The following CSMD1 variants were observed in gnomAD, a reference collection of about 807,000 sequenced individuals.
The protein encoded by CSMD1 is CUB and sushi domain-containing protein 1.
In CSMD1, 213 loss-of-function variants were observed where a neutral mutation model predicts 417.5. That is an observed-to-expected ratio of 0.51 (90% CI 0.46 to 0.57). CSMD1 has a LOEUF of 0.57. Among genes scored for constraint, CSMD1 ranks in the 20% least tolerant of loss-of-function variants. The pLI, the probability that CSMD1 is intolerant of heterozygous loss-of-function variation, is 0.00. For synonymous variants in CSMD1, 2,862 were observed against 1,736.8 expected, an observed-to-expected ratio of 1.65 and a Z score of -16.11; for missense variants, 6,923 against 4,529.7, an observed-to-expected ratio of 1.53 and a Z score of -15.17.
chr8:4,121,261 C>G (rs1802472570), intron 3 of CSMD1, among the ~76,000 whole-genome samples: 1 of 152,008 alleles, frequency 6.6e-6, no homozygotes, highest in Non-Finnish European at 1.5e-5. Flanking sequence ...ATTACAGGCA[C>G]CTGACACCAC....
At chr8:4,864,352 A>G (rs917671435) in intron 1 of CSMD1, among the ~76,000 whole-genome samples, 7 of 151,922 alleles carry the variant, frequency 4.6e-5, no homozygotes, top group Admixed American at 2.6e-4. Flanking sequence ...AATGAAAACA[A>G]AAAACAAGTA....
intron 26 of CSMD1, among the ~76,000 whole-genome samples, chr8:3,262,716 T>C (rs1279346781): frequency 6.6e-6 from 1 of 152,120 alleles, no homozygotes; most frequent in Admixed American, 6.6e-5. Context: ...CGAGAGTTCA[T>C]TGTAATGTCT....
intron 2 of CSMD1, among the ~76,000 whole-genome samples, chr8:4,437,785 C>A (rs1000125452): frequency 2.6e-5 from 4 of 152,102 alleles, no homozygotes; most frequent in African/African-American, 9.7e-5. Flanking sequence ...TGAGTTGTCT[C>A]TATGGGAACT....
chr8:2,986,240 T>C (rs1445009778), intron 54 of CSMD1, among the ~76,000 whole-genome samples: 1 of 152,236 alleles, frequency 6.6e-6, no homozygotes, highest in Non-Finnish European at 1.5e-5. Flanking sequence ...ACTCACTGTC[T>C]GCCAGGCACT....
chr8:3,410,041 T>C (rs1449592657), intron 12 of CSMD1, among the ~76,000 whole-genome samples: 3 of 152,266 alleles, frequency 2.0e-5, no homozygotes, highest in South Asian at 4.1e-4. Context: ...TCTATTTGAA[T>C]ATTCTTTCCC....
chr8:3,466,719 C>G (rs1015877302), intron 12 of CSMD1, among the ~76,000 whole-genome samples: 3 of 151,926 alleles, frequency 2.0e-5, no homozygotes, highest in African/African-American at 7.3e-5. Flanking sequence ...GTCAGCCCCC[C>G]TGCCCGGGCT....
At chr8:4,671,114 G>T (rs188056489) in intron 1 of CSMD1, among the ~76,000 whole-genome samples, 20 of 152,268 alleles carry the variant, frequency 1.3e-4, no homozygotes, top group African/African-American at 4.6e-4. Context: ...AAAACTAGCT[G>T]CATTTGCACT....
chr8:3,391,625 C>T (rs570929499), intron 17 of CSMD1, among the ~76,000 whole-genome samples: 107 of 152,264 alleles, frequency 7.0e-4, no homozygotes, highest in African/African-American at 2.3e-3. Context: ...TCTAGGTTTG[C>T]TTTTACAAAA....
chr8:4,804,429 T>C lies in CSMD1; in HGVS notation c.86-166871A>G, dbSNP rs989969881. 6.6e-5 allele frequency among the ~76,000 whole-genome samples: 10 copies of C among 152,178 alleles called. No individual in the cohort carries two copies. The South Asian group carries it at 8.3e-4, about 13-fold the overall frequency. On this transcript the variant is annotated intron_variant, in intron 1 of 69. Transcript: ENST00000635120. ...GCTTTCTATGCAATTACTGAATAAA[T>C]TGCCAGTCATATACAGACTTCGGTG...
chr8:4,772,900 G>C (rs1053728467), intron 1 of CSMD1, among the ~76,000 whole-genome samples: 2 of 152,098 alleles, frequency 1.3e-5, no homozygotes, highest in African/African-American at 2.4e-5. Flanking sequence ...GATGAATAAC[G>C]TAAGAAATTG....
At chr8:3,204,256 AATG>A (rs1237996373) in intron 31 of CSMD1, among the ~76,000 whole-genome samples, 6 of 152,202 alleles carry the variant, frequency 3.9e-5, no homozygotes, top group Admixed American at 2.6e-4. Flanking sequence ...TTAATTGTGT[AATG>A]ATGACAATAA....
chr8:3,607,952 T>C (rs1315321418), intron 8 of CSMD1, among the ~76,000 whole-genome samples: 2 of 151,730 alleles, frequency 1.3e-5, no homozygotes, highest in East Asian at 2.0e-4. Flanking sequence ...GGCGGATCAC[T>C]TGAGGTCAGG....
chr8:3,057,652 G>C (rs1195962330), intron 49 of CSMD1, among the ~76,000 whole-genome samples: 3 of 152,172 alleles, frequency 2.0e-5, no homozygotes, highest in East Asian at 1.9e-4. Flanking sequence ...TACAGATAAA[G>C]TTACAGATGC....
rs557741271 is a variant in CSMD1 at position 4,023,518 on chromosome 8, C to G, written c.610+8387G>C. Among the ~76,000 whole-genome samples, 7 of 151,822 alleles carry G rather than the reference C, an allele frequency of 4.6e-5. No individual in the cohort carries two copies. The South Asian group carries it at 1.5e-3, about 32-fold the overall frequency. ...AAGAGGAAGTCTAATTACAGGCATA[C>G]GCTTGGCTCTGTGCTGAGCAATATT... is the stretch of plus-strand genomic sequence containing the variant. On this transcript the variant is annotated intron_variant, in intron 4 of 69. Transcript: ENST00000635120.
rs74980133 is a variant in CSMD1, at chr8:4,001,752, C to G, written c.611-3642G>C. Among the ~76,000 whole-genome samples, 1,038 of 152,164 alleles carry G rather than the reference C, an allele frequency of 6.8e-3. 11 individuals are homozygous for G. Among genetic ancestry groups the G allele is most frequent in the African/African-American group, 0.024 (1,000 of 41,490 alleles). On this transcript the variant is annotated intron_variant, in intron 4 of 69. Transcript: ENST00000635120. ...AGCATGAGTACTAGGCTCACTGAAT[C>G]CAGGTAAGACCAGAGCACTGACTGC...
chr8:3,286,732 C>T (rs996998075), intron 25 of CSMD1, among the ~76,000 whole-genome samples: 1 of 151,950 alleles, frequency 6.6e-6, no homozygotes, highest in South Asian at 2.1e-4. Context: ...AGCCCTTTGT[C>T]AGATGAGTAG....
chr8:4,034,854 A>G (rs1373573960), intron 3 of CSMD1, among the ~76,000 whole-genome samples: 2 of 152,232 alleles, frequency 1.3e-5, no homozygotes, highest in Non-Finnish European at 2.9e-5. Context: ...TGTTCCCCAA[A>G]GACACGGTTA....
chr8:4,096,592 T>C (rs967709804), intron 3 of CSMD1, among the ~76,000 whole-genome samples: 1 of 152,168 alleles, frequency 6.6e-6, no homozygotes, highest in African/African-American at 2.4e-5. Context: ...TTTCTTAAGT[T>C]TGTATTGTGT....
At chr8:4,544,008 T>C (rs1442109139) in intron 2 of CSMD1, among the ~76,000 whole-genome samples, 1 of 152,206 alleles carries the variant, frequency 6.6e-6, no homozygotes, top group African/African-American at 2.4e-5. Context: ...CATTTAATTA[T>C]ATATTTTCGG....
Sources: allele counts gnomAD v4.1 joint callset (sites outside exome capture counted in the v4.1 genomes callset), GRCh38; gene constraint gnomAD v4.1.1; transcripts MANE v1.5; gene names NCBI Gene and HGNC (gene_info 2026-07-23, HGNC 2026-07-21).